Variants in YPEL1 observed in about 807,000 individuals in gnomAD.
The protein encoded by YPEL1 is protein yippee-like 1.
In YPEL1, 7 loss-of-function variants were observed where a neutral mutation model predicts 17.3. The observed-to-expected ratio is 0.40, with a 90% CI of 0.23 to 0.76. The LOEUF (loss-of-function observed/expected upper bound fraction) is 0.76, where lower values mean the gene tolerates loss of function less well. Among genes scored for constraint, YPEL1 ranks in the 30% least tolerant of loss-of-function variants. The probability of loss-of-function intolerance (pLI) is 0.35; values close to 1 mark genes in which losing one functional copy is unlikely to be tolerated. For synonymous variants in YPEL1, 59 were observed against 59.6 expected (o/e 0.99, Z 0.05); for missense variants, 91 against 155.5 (o/e 0.59, Z 2.21).
At chr22:21,714,600 T>C (rs1046320656) in intron 1 of YPEL1, among the ~76,000 whole-genome samples, 1 of 152,198 alleles carries the variant, frequency 6.6e-6, no homozygotes, top group African/African-American at 2.4e-5. Context: ...ATGGTGCTGC[T>C]GTCGCTGTCA....
At position 21,710,784 on chromosome 22, in the gene YPEL1, G is replaced by A. The variant is rs1384707643; in HGVS notation, c.-40C>T. ...CCTCACTCAGCTCAGGGCTGGTTCTGGAAGAACCGTGGCTCTGCTGGCCTC... is the reference window on the plus strand; with the variant it reads ...CCTCACTCAGCTCAGGGCTGGTTCTAGAAGAACCGTGGCTCTGCTGGCCTC... On this transcript the variant is annotated 5_prime_UTR_variant, in exon 2 of 5. Coordinates refer to ENST00000339468, the MANE Select transcript of YPEL1 (RefSeq NM_013313.5). 6.4e-7 allele frequency: 1 copy of A among 1,555,588 alleles called. No homozygotes were observed. Among genetic ancestry groups the A allele is most frequent in the Non-Finnish European group, 8.9e-7 (1 of 1,126,624 alleles).
At chr22:21,711,127 G>A (rs1172750035) in intron 1 of YPEL1, among the ~76,000 whole-genome samples, 3 of 151,562 alleles carry the variant, frequency 2.0e-5, no homozygotes, top group East Asian at 1.9e-4. Context: ...GGGTTCAAGC[G>A]ATTCTTCTAC....
chr22:21,701,294 C>A (rs560869613), intron 4 of YPEL1, 76 bp from the exon 5 acceptor site: 8 of 1,054,776 alleles, frequency 7.6e-6, no homozygotes, highest in African/African-American at 1.6e-5. Flanking sequence ...GGCAAAAACC[C>A]CCCCCAAGTC....
chr22:21,702,054 A>C (rs936118083), intron 4 of YPEL1, among the ~76,000 whole-genome samples: 9 of 152,070 alleles, frequency 5.9e-5, no homozygotes, highest in Non-Finnish European at 4.4e-5. Flanking sequence ...GGATATCTGG[A>C]GAAGGTCCTT....
chr22:21,725,875 TG>T, intron 1 of YPEL1, among the ~76,000 whole-genome samples: 1 of 150,000 alleles, frequency 6.7e-6, no homozygotes, highest in East Asian at 2.0e-4. Context: ...GGCACATGCC[TG>T]TGGTCCCAGC....
intron 1 of YPEL1, among the ~76,000 whole-genome samples, chr22:21,716,483 C>T (rs939618339): frequency 5.3e-5 from 8 of 152,282 alleles, no homozygotes; most frequent in Non-Finnish European, 1.0e-4. Context: ...CCCGGGCTTC[C>T]GATGAGAACT....
At chr22:21,711,211 C>G (rs919657275) in intron 1 of YPEL1, among the ~76,000 whole-genome samples, 1 of 152,106 alleles carries the variant, frequency 6.6e-6, no homozygotes, top group African/African-American at 2.4e-5. Flanking sequence ...GGATTACAAG[C>G]ACCACTGCGC....
rs1032328529 is a variant in YPEL1 at position 21,703,990 on chromosome 22, C to G, written c.118-108G>C. The G allele has an allele frequency of 7.8e-7, 1 of 1,277,796 alleles. No homozygotes were observed. Among genetic ancestry groups the G allele is most frequent in the African/African-American group, 1.5e-5 (1 of 67,542 alleles). The allele number at this position is 1,277,796 out of a possible 1,614,324, so 79.2% of individuals were successfully genotyped here. On this transcript the variant is annotated intron_variant, in intron 2 of 4. Transcript: ENST00000339468. This position sits in a 1 kb window ranked among gnomAD's most constrained non-coding sequence, Gnocchi z 6.1. ...CCCGCGGCTGTTAGCTGCGCCGGGA[C>G]GCGTCACCGGGAGCAGACACCGGCG... is the stretch of plus-strand genomic sequence containing the variant.
At chr22:21,731,512 GC>G (rs1389607824) in intron 1 of YPEL1, among the ~76,000 whole-genome samples, 1 of 148,218 alleles carries the variant, frequency 6.7e-6, no homozygotes, top group Admixed American at 6.7e-5. Flanking sequence ...GACATTAAAG[GC>G]CCTGTCTTGG....
intron 1 of YPEL1, among the ~76,000 whole-genome samples, chr22:21,726,826 C>G (rs952337411): frequency 6.6e-6 from 1 of 152,186 alleles, no homozygotes; most frequent in Non-Finnish European, 1.5e-5. Context: ...AAGCTCAGAT[C>G]TCAGCTCTCG....
chr22:21,714,807 G>A (rs1601632457), intron 1 of YPEL1, among the ~76,000 whole-genome samples: 1 of 144,332 alleles, frequency 6.9e-6, no homozygotes, highest in Non-Finnish European at 1.6e-5. Flanking sequence ...GTATAAGGCA[G>A]CAGCATCTCA....
chr22:21,712,553 C>T (rs979831196), intron 1 of YPEL1, among the ~76,000 whole-genome samples: 30 of 151,496 alleles, frequency 2.0e-4, no homozygotes, highest in African/African-American at 6.8e-4. Flanking sequence ...GGCGAAACCC[C>T]GTCTCTACTA....
At chr22:21,702,357 TGTG>T (rs1277476953) in intron 4 of YPEL1, among the ~76,000 whole-genome samples, 1 of 152,164 alleles carries the variant, frequency 6.6e-6, no homozygotes, top group Non-Finnish European at 1.5e-5. Flanking sequence ...GTGCTAGTCT[TGTG>T]GAGCCCGTTT....
chr22:21,707,840 A>T (rs2068128215), intron 2 of YPEL1, among the ~76,000 whole-genome samples: 1 of 152,230 alleles, frequency 6.6e-6, no homozygotes, highest in Non-Finnish European at 1.5e-5. Flanking sequence ...TAGGCTTTGG[A>T]GGACATATGG....
intron 1 of YPEL1, among the ~76,000 whole-genome samples, chr22:21,715,030 G>A (rs2068207282): frequency 1.3e-5 from 2 of 152,196 alleles, no homozygotes; most frequent in Admixed American, 6.5e-5. Flanking sequence ...GACTGTGCCT[G>A]TGATGTAAGC....
At chr22:21,715,827 G>A (rs28496626) in intron 1 of YPEL1, among the ~76,000 whole-genome samples, 1 of 106,566 alleles carries the variant, frequency 9.4e-6, no homozygotes, top group Non-Finnish European at 2.3e-5. Flanking sequence ...GCAATGGCAC[G>A]ATCTTGGCTC....
At chr22:21,715,770 T>C (rs1425678118) in intron 1 of YPEL1, among the ~76,000 whole-genome samples, 1 of 129,070 alleles carries the variant, frequency 7.7e-6, no homozygotes, top group African/African-American at 2.6e-5. Flanking sequence ...TCTTTTTTTT[T>C]TTTTTTTTTT....
chr22:21,716,610 T>C (rs1221189224), intron 1 of YPEL1, among the ~76,000 whole-genome samples: 1 of 152,302 alleles, frequency 6.6e-6, no homozygotes, highest in Non-Finnish European at 1.5e-5. Flanking sequence ...GGATTTAGTT[T>C]AAATTGGCTT....
chr22:21,727,872 C>G (rs2068350279), intron 1 of YPEL1, among the ~76,000 whole-genome samples: 2 of 152,214 alleles, frequency 1.3e-5, no homozygotes, highest in Non-Finnish European at 2.9e-5. Flanking sequence ...GTGTGGGTCC[C>G]ATCCCCATTA....
Sources: allele counts gnomAD v4.1 joint callset (sites outside exome capture counted in the v4.1 genomes callset), GRCh38; gene constraint gnomAD v4.1.1; non-coding constraint Gnocchi (gnomAD v3.1); transcripts MANE v1.5; gene names NCBI Gene and HGNC (gene_info 2026-07-23, HGNC 2026-07-21).